MTMR7: variants seen among roughly 807,000 people sequenced by gnomAD.
MTMR7 encodes the protein myotubularin related protein 7.
Under a neutral mutation model 81.2 loss-of-function variants are expected in MTMR7, and 76 were observed. That is an observed-to-expected ratio of 0.94 (90% CI 0.78 to 1.13). MTMR7 has a LOEUF of 1.13. Among genes scored for constraint, MTMR7 ranks in the 50% most tolerant of loss-of-function variants. The pLI is 0.00. For missense variants in MTMR7, 1,044 were observed against 820.0 expected (o/e 1.27, Z -3.34); for synonymous variants, 372 against 289.8 (o/e 1.28, Z -2.88).
chr8:17,366,531 C>T (rs944155423), intron 3 of MTMR7, among the ~76,000 whole-genome samples: 3 of 151,848 alleles, frequency 2.0e-5, no homozygotes, highest in African/African-American at 7.3e-5. Flanking sequence ...TTTTAATAAC[C>T]AAAGTAACTA....
rs1265697953 is a variant in MTMR7, at chr8:17,341,394, T to C, written c.701A>G (p.Asp234Gly). The C allele has an allele frequency of 6.2e-7, 1 of 1,614,042 alleles. No homozygotes were observed. Among genetic ancestry groups the C allele is most frequent in the East Asian group, 2.2e-5 (1 of 44,898 alleles). The change falls in exon 6 of 14, where the codon GAC becomes GGC. Residue 234 changes from aspartate to glycine, a missense_variant. Transcript: ENST00000180173. ...QAIRKANPGS[D>G]FVYVVDTRPK... The stretch of plus-strand genomic sequence containing the variant: ...CCGGGTGTCAACGACATAAACGAAG[T>C]CACTTCCTGGATTGGCTTTCCTAAT...
At position 17,304,376 on chromosome 8, in the gene MTMR7, T is replaced by C. The variant is rs774793986; in HGVS notation, c.1493+3A>G. ...GCTACAAAGTTACCAAGGATTTACA[T>C]ACTTGTACATGAAGTTACATGGTGT... is the stretch of plus-strand genomic sequence containing the variant. On this transcript the variant is annotated splice_donor_region_variant and intron_variant, in intron 12 of 13. Coordinates refer to ENST00000180173, the MANE Select transcript of MTMR7 (RefSeq NM_004686.5). 1.3e-5 allele frequency: 21 copies of C among 1,610,898 alleles called. No individual in the cohort carries two copies. The highest frequency in any genetic ancestry group is 1.7e-5 in the Non-Finnish European group (20 of 1,177,456).
chr8:17,393,836 T>A (rs1208264150), intron 1 of MTMR7, among the ~76,000 whole-genome samples: 1 of 152,112 alleles, frequency 6.6e-6, no homozygotes, highest in Non-Finnish European at 1.5e-5. Flanking sequence ...ATTTTGCACA[T>A]GTAACCTGGG....
intron 9 of MTMR7, among the ~76,000 whole-genome samples, chr8:17,310,337 AG>A (rs1281397681): frequency 1.3e-5 from 2 of 152,160 alleles, no homozygotes; most frequent in African/African-American, 2.4e-5. Flanking sequence ...TAATATGGAT[AG>A]TCTCATCAAT....
chr8:17,346,980 A>G (rs537713174), intron 5 of MTMR7, among the ~76,000 whole-genome samples: 16 of 151,064 alleles, frequency 1.1e-4, no homozygotes, highest in Non-Finnish European at 4.4e-5. Context: ...AGATCACTTG[A>G]GCACAGGAGC....
At chr8:17,393,227 A>T (rs1821155472) in intron 1 of MTMR7, among the ~76,000 whole-genome samples, 1 of 152,196 alleles carries the variant, frequency 6.6e-6, no homozygotes, top group Non-Finnish European at 1.5e-5. Context: ...TTCCACATGC[A>T]AAACAATGCA....
chr8:17,370,054 A>C (rs1325089529), intron 3 of MTMR7, among the ~76,000 whole-genome samples: 1 of 152,134 alleles, frequency 6.6e-6, no homozygotes, highest in Non-Finnish European at 1.5e-5. Flanking sequence ...GAAGAGCCCA[A>C]GATGACGGCT....
chr8:17,321,237 T>G (rs1818374049), intron 7 of MTMR7, among the ~76,000 whole-genome samples: 2 of 152,202 alleles, frequency 1.3e-5, no homozygotes, highest in South Asian at 4.1e-4. Context: ...AAATGGCCTG[T>G]GCCAAAAGCA....
chr8:17,393,226 C>T (rs1351125031), intron 1 of MTMR7, among the ~76,000 whole-genome samples: 1 of 152,124 alleles, frequency 6.6e-6, no homozygotes, highest in Non-Finnish European at 1.5e-5. Context: ...CTTCCACATG[C>T]AAAACAATGC....
At chr8:17,402,812 G>C (rs544041169) in intron 1 of MTMR7, among the ~76,000 whole-genome samples, 2 of 152,098 alleles carry the variant, frequency 1.3e-5, no homozygotes, top group Non-Finnish European at 2.9e-5. Flanking sequence ...GTTTTTTGAG[G>C]AACCTCCAAA....
At chr8:17,349,187 C>T (rs1375626443) in intron 4 of MTMR7, 106 bp from the exon 5 acceptor site, 17 of 1,369,192 alleles carry the variant, frequency 1.2e-5, no homozygotes, top group Non-Finnish European at 1.7e-5. Context: ...CCTTAAGTTC[C>T]CTTAACCATG....
At chr8:17,335,033 C>A (rs937935355) in intron 6 of MTMR7, among the ~76,000 whole-genome samples, 1 of 152,110 alleles carries the variant, frequency 6.6e-6, no homozygotes, top group Non-Finnish European at 1.5e-5. Flanking sequence ...ACAGGCCCAG[C>A]CAAGGAACTG....
chr8:17,324,357 C>A (rs1818561151), intron 7 of MTMR7, among the ~76,000 whole-genome samples: 1 of 152,192 alleles, frequency 6.6e-6, no homozygotes, highest in Non-Finnish European at 1.5e-5. Flanking sequence ...ATCTACCCTA[C>A]AGGGTAGATG....
At chr8:17,337,373 A>G (rs1331075421) in intron 6 of MTMR7, among the ~76,000 whole-genome samples, 1 of 151,872 alleles carries the variant, frequency 6.6e-6, no homozygotes, top group East Asian at 1.9e-4. Context: ...AAAAAAAAAA[A>G]AAAAAAAAGT....
chr8:17,368,094 T>C (rs145724240), intron 3 of MTMR7, among the ~76,000 whole-genome samples: 1,703 of 152,088 alleles, frequency 0.011, 18 homozygotes, highest in Middle Eastern at 0.017. Context: ...GGTGTGGGGT[T>C]GGGGGATAGT....
intron 6 of MTMR7, among the ~76,000 whole-genome samples, chr8:17,336,257 C>G (rs767023723): frequency 5.3e-5 from 8 of 152,154 alleles, no homozygotes; most frequent in Non-Finnish European, 1.0e-4. Context: ...GCTGAAGACA[C>G]CCGGCGGCTG....
intron 7 of MTMR7, among the ~76,000 whole-genome samples, chr8:17,316,014 T>C (rs1818048513): frequency 6.6e-6 from 1 of 152,132 alleles, no homozygotes; most frequent in African/African-American, 2.4e-5. Context: ...AGATCCTATC[T>C]CTAAAAAATA....
intron 1 of MTMR7, among the ~76,000 whole-genome samples, chr8:17,406,456 A>C (rs1404918257): frequency 6.6e-6 from 1 of 152,204 alleles, no homozygotes; most frequent in Non-Finnish European, 1.5e-5. Context: ...CTTCACACCC[A>C]CCTGAATGGC....
chr8:17,400,875 G>T (rs1446119219), intron 1 of MTMR7, among the ~76,000 whole-genome samples: 1 of 152,178 alleles, frequency 6.6e-6, no homozygotes, highest in Non-Finnish European at 1.5e-5. Flanking sequence ...AATCACAGAA[G>T]TTGTGATTAA....
Sources: gnomAD v4.1 joint callset for allele counts (sites outside exome capture counted in the v4.1 genomes callset) on GRCh38, gnomAD v4.1.1 for gene constraint, MANE v1.5 for transcripts, NCBI Gene and HGNC (gene_info 2026-07-23, HGNC 2026-07-21) for gene names.